MGAT4A: variants seen among roughly 807,000 people sequenced by gnomAD.
The protein encoded by MGAT4A is alpha-1,3-mannosyl-glycoprotein 4-beta-N-acetylglucosaminyltransferase A.
Under a neutral mutation model 74.1 loss-of-function variants are expected in MGAT4A, and 33 were observed. That is an observed-to-expected ratio of 0.45 (90% confidence interval 0.34 to 0.60). The LOEUF (loss-of-function observed/expected upper bound fraction) is 0.60. MGAT4A is among the 20% of genes least tolerant of loss of function. MGAT4A has a pLI of 0.02. For synonymous variants in MGAT4A, 198 were observed against 210.4 expected (o/e 0.94, Z 0.51); for missense variants, 479 against 628.3 (o/e 0.76, Z 2.54).
intron 4 of MGAT4A, chr2:98,663,541 T>C: frequency 8.7e-7 from 1 of 1,149,636 alleles, no homozygotes; most frequent in South Asian, 2.1e-5. Flanking sequence ...GCATGTGACA[T>C]GCCGAGAAGA....
intron 4 of MGAT4A, among the ~76,000 whole-genome samples, chr2:98,666,426 C>G (rs1200261134): frequency 6.6e-6 from 1 of 152,196 alleles, no homozygotes; most frequent in East Asian, 1.9e-4. Context: ...GGTGTGGTGG[C>G]TGATGCCTTT....
chr2:98,663,295 AATATAT>A, intron 4 of MGAT4A, 116 bp from the exon 5 acceptor site: 1 of 1,529,098 alleles, frequency 6.5e-7, no homozygotes. Flanking sequence ...GATGGATCAA[AATATAT>A]TAAGTTTCAG....
intron 10 of MGAT4A, among the ~76,000 whole-genome samples, chr2:98,641,690 A>G (rs1259487356): frequency 6.7e-6 from 1 of 149,996 alleles, no homozygotes; most frequent in African/African-American, 2.5e-5. Context: ...AAGAAAAAAA[A>G]GAAAAAAAAA....
chr2:98,671,539 G>C (rs2104282347), intron 4 of MGAT4A, among the ~76,000 whole-genome samples: 1 of 152,272 alleles, frequency 6.6e-6, no homozygotes, highest in East Asian at 1.9e-4. Flanking sequence ...GTAAACTACA[G>C]TGACCTTCTT....
intron 2 of MGAT4A, among the ~76,000 whole-genome samples, chr2:98,678,853 TAGAG>T (rs926555128): frequency 1.0e-3 from 159 of 152,278 alleles, no homozygotes; most frequent in African/African-American, 3.4e-3. Flanking sequence ...ATCAACCAGA[TAGAG>T]AGATGAGGCA....
intron 2 of MGAT4A, among the ~76,000 whole-genome samples, chr2:98,681,818 T>C (rs745735826): frequency 1.2e-4 from 19 of 152,064 alleles, no homozygotes; most frequent in Non-Finnish European, 2.8e-4. Flanking sequence ...AAGAACTCTT[T>C]AGAGAAATAA....
At chr2:98,705,434 G>A (rs1415563488) in intron 2 of MGAT4A, among the ~76,000 whole-genome samples, 1 of 152,134 alleles carries the variant, frequency 6.6e-6, no homozygotes, top group African/African-American at 2.4e-5. Context: ...CATGAACAGG[G>A]TGACTGCATG....
At chr2:98,711,260 T>TG (rs1382068193) in intron 2 of MGAT4A, among the ~76,000 whole-genome samples, 4 of 130,772 alleles carry the variant, frequency 3.1e-5, no homozygotes, top group Admixed American at 7.9e-5. Flanking sequence ...CAAGTTAATT[T>TG]GGAAAAAAAA....
intron 2 of MGAT4A, among the ~76,000 whole-genome samples, chr2:98,693,807 T>A (rs190915676): frequency 3.2e-4 from 49 of 151,830 alleles, no homozygotes; most frequent in African/African-American, 1.2e-3. Context: ...TACACTGAAA[T>A]ACCTAGAGCA....
At chr2:98,680,095 C>G (rs1199610542) in intron 2 of MGAT4A, among the ~76,000 whole-genome samples, 2 of 139,266 alleles carry the variant, frequency 1.4e-5, no homozygotes, top group Admixed American at 7.8e-5. Flanking sequence ...GGCTTGAGTA[C>G]AGTGGCGCGA....
intron 1 of MGAT4A, among the ~76,000 whole-genome samples, chr2:98,728,741 T>C (rs1331285695): frequency 7.5e-6 from 1 of 133,632 alleles, no homozygotes; most frequent in East Asian, 2.2e-4. Context: ...AGAGACTCAG[T>C]TTGAAAAAAA....
At chr2:98,730,927 C>T (rs1290958738) in intron 1 of MGAT4A, 121 bp downstream of exon 1, 1 of 147,442 alleles carries the variant, frequency 6.8e-6, no homozygotes, top group Non-Finnish European at 1.5e-5. Context: ...GGTGGATCTC[C>T]CGCAGCCCGG....
chr2:98,701,080 T>C (rs895841214), intron 2 of MGAT4A, among the ~76,000 whole-genome samples: 2 of 152,122 alleles, frequency 1.3e-5, no homozygotes, highest in African/African-American at 4.8e-5. Context: ...AAGGCTATTA[T>C]AAAAATGGTC....
chr2:98,682,961 G>A (rs980861363), intron 2 of MGAT4A, among the ~76,000 whole-genome samples: 3 of 152,002 alleles, frequency 2.0e-5, no homozygotes, highest in Non-Finnish European at 4.4e-5. Context: ...GGTGGCGGGC[G>A]CCTGTAGTCC....
rs1701087119 is a variant in MGAT4A at position 98,623,150 on chromosome 2, G to A, written c.*2416C>T. The stretch of plus-strand genomic sequence containing the variant: ...AGGCACGGGTAGATTCATGGGGAGA[G>A]AAGCACAAAAAAGTCCTGGAATGAT... On this transcript the variant is annotated 3_prime_UTR_variant, in exon 16 of 16. Coordinates refer to ENST00000393487, the MANE Select transcript of MGAT4A (RefSeq NM_012214.3). 1.0e-6 allele frequency: 1 copy of A among 985,432 alleles called. No homozygotes were observed. Among genetic ancestry groups the A allele is most frequent in the Non-Finnish European group, 1.2e-6 (1 of 829,958 alleles). The allele number at this position is 985,432 out of a possible 1,614,324, so 61.0% of individuals were successfully genotyped here.
At chr2:98,727,838 T>C (rs1247367790) in intron 1 of MGAT4A, among the ~76,000 whole-genome samples, 2 of 152,234 alleles carry the variant, frequency 1.3e-5, no homozygotes, top group Non-Finnish European at 2.9e-5. Context: ...AAATGTTTCC[T>C]ATGTGCCTGA....
In MGAT4A at chr2:98,714,238, A is replaced by G. The variant is rs369201124; in HGVS notation, c.94+12001T>C. Among the ~76,000 whole-genome samples, 5 of 152,160 alleles carry G rather than the reference A, an allele frequency of 3.3e-5. No individual in the cohort carries two copies. In the South Asian group the frequency reaches 1.0e-3, roughly 32 times the overall value. On this transcript the variant is annotated intron_variant, in intron 2 of 15. Transcript: ENST00000393487. ...AAACAGCTGGACTACAGGCACATCC[A>G]CCATGCCCGGCTAATTTTTTGTATT...
At chr2:98,728,744 GA>G (rs201051152) in intron 1 of MGAT4A, among the ~76,000 whole-genome samples, 42 of 137,354 alleles carry the variant, frequency 3.1e-4, no homozygotes, top group East Asian at 1.5e-3. Flanking sequence ...GACTCAGTTT[GA>G]AAAAAAAAAA....
chr2:98,650,202 T>C (rs916855410), intron 8 of MGAT4A, among the ~76,000 whole-genome samples: 9 of 151,980 alleles, frequency 5.9e-5, no homozygotes, highest in African/African-American at 1.9e-4. Context: ...AACTTAAAGA[T>C]AGGACTTTTG....
Sources: gnomAD v4.1 joint callset for allele counts (sites outside exome capture counted in the v4.1 genomes callset) on GRCh38, gnomAD v4.1.1 for gene constraint, MANE v1.5 for transcripts, NCBI Gene and HGNC (gene_info 2026-07-23, HGNC 2026-07-21) for gene names.